Variants in CLIP4 observed in about 807,000 individuals in gnomAD.
The protein encoded by CLIP4 is CAP-Gly domain containing linker protein family member 4, also known as CAP-Gly domain-containing linker protein 4.
In CLIP4, 47 loss-of-function variants were observed where a neutral mutation model predicts 73.1. The observed-to-expected ratio is 0.64, with a 90% CI of 0.51 to 0.82. CLIP4 has a LOEUF of 0.82. CLIP4 is among the 40% of genes least tolerant of loss of function. The pLI is 0.00. For synonymous variants in CLIP4, 306 were observed against 295.4 expected, an observed-to-expected ratio of 1.04 and a Z score of -0.37; for missense variants, 874 against 852.9, an observed-to-expected ratio of 1.02 and a Z score of -0.31.
chr2:29,158,566 C>T (rs1293232818), intron 11 of CLIP4, among the ~76,000 whole-genome samples: 1 of 152,058 alleles, frequency 6.6e-6, no homozygotes, highest in African/African-American at 2.4e-5. Flanking sequence ...TTGGGAACCC[C>T]AGAGACATGT....
intron 15 of CLIP4, 134 bp from the exon 16 acceptor site, chr2:29,181,438 G>C (rs1668637564): frequency 1.4e-6 from 1 of 737,954 alleles, no homozygotes; most frequent in Non-Finnish European, 2.1e-6. Flanking sequence ...TAAAAATCAA[G>C]TTGTGACCAT....
chr2:29,164,278 T>C (rs1667466957), intron 13 of CLIP4, among the ~76,000 whole-genome samples: 2 of 152,218 alleles, frequency 1.3e-5, no homozygotes, highest in Admixed American at 1.3e-4. Flanking sequence ...AAATGCTCTC[T>C]GATTGCTTCA....
intron 7 of CLIP4, 29 bp from the exon 8 acceptor site, chr2:29,145,203 A>G (rs771492166): frequency 1.3e-6 from 2 of 1,598,882 alleles, no homozygotes; most frequent in Non-Finnish European, 8.5e-7. Flanking sequence ...ATAATTCCCC[A>G]AAATTATTCT....
intron 11 of CLIP4, among the ~76,000 whole-genome samples, chr2:29,157,959 C>T (rs1380713347): frequency 1.3e-5 from 2 of 152,272 alleles, no homozygotes; most frequent in African/African-American, 4.8e-5. Context: ...CTCTTTATTA[C>T]CAGATTCTTT....
Position 29,160,951 on chromosome 2 carries a change from A to G in CLIP4, c.1534+484A>G, listed in dbSNP as rs566647940. Among the ~76,000 whole-genome samples the G allele has an allele frequency of 2.6e-5, 4 of 152,114 alleles. No homozygotes were observed. The East Asian group carries it at 7.7e-4, about 29-fold the overall frequency. Reference sequence around the variant, plus strand: ...ATATTCATTCCAATCTATACGTAACATTGTTTCCAAAAGTAAAGATTACTT... The same window carrying G: ...ATATTCATTCCAATCTATACGTAACGTTGTTTCCAAAAGTAAAGATTACTT... On this transcript the variant is annotated intron_variant, in intron 12 of 15. Coordinates refer to ENST00000320081, the MANE Select transcript of CLIP4 (RefSeq NM_024692.6).
At chr2:29,152,912 T>C in intron 9 of CLIP4, 84 bp downstream of exon 9, 1 of 1,490,190 alleles carries the variant, frequency 6.7e-7, no homozygotes, top group Non-Finnish European at 9.1e-7. Context: ...TGCTTCACTT[T>C]TTTTTGTTAG....
chr2:29,149,304 A>G (rs1351245528), intron 8 of CLIP4, among the ~76,000 whole-genome samples: 1 of 152,150 alleles, frequency 6.6e-6, no homozygotes, highest in East Asian at 1.9e-4. Flanking sequence ...CAGGTTATTT[A>G]GTATAAAATG....
intron 2 of CLIP4, among the ~76,000 whole-genome samples, chr2:29,123,867 A>G (rs1312536200): frequency 3.9e-5 from 6 of 152,248 alleles, no homozygotes; most frequent in African/African-American, 1.4e-4. Context: ...TTGACTCTCA[A>G]GGTGATTACC....
At chr2:29,177,291 C>T (rs1258047584) in intron 15 of CLIP4, among the ~76,000 whole-genome samples, 2 of 151,934 alleles carry the variant, frequency 1.3e-5, no homozygotes, top group Non-Finnish European at 2.9e-5. Context: ...CACCTGTAGT[C>T]CCAGCTACTC....
rs894466603 is a variant in CLIP4, at chr2:29,181,970, T to C, written c.*77T>C. 28 of 1,248,834 alleles carry C rather than the reference T, an allele frequency of 2.2e-5. No individual in the cohort carries two copies. In the South Asian group the frequency reaches 2.8e-4, roughly 12 times the overall value. The allele number at this position is 1,248,834 out of a possible 1,614,324, so 77.4% of individuals were successfully genotyped here. The stretch of plus-strand genomic sequence containing the variant: ...AGTCCATGGTAAATGGTTTACTTTA[T>C]TTAGCCATATTAAAATTTTGAAAAT... On this transcript the variant is annotated 3_prime_UTR_variant, in exon 16 of 16. Transcript: ENST00000320081.
At chr2:29,144,289 C>G (rs1665994485) in intron 7 of CLIP4, among the ~76,000 whole-genome samples, 2 of 152,106 alleles carry the variant, frequency 1.3e-5, no homozygotes, top group African/African-American at 4.8e-5. Flanking sequence ...CTGACTGCTG[C>G]TCCTCCATAG....
At chr2:29,105,443 G>T (rs1429313883) in intron 1 of CLIP4, among the ~76,000 whole-genome samples, 1 of 152,206 alleles carries the variant, frequency 6.6e-6, no homozygotes, top group Admixed American at 6.5e-5. Context: ...TTAGGCAGGA[G>T]TTTCCATTTT....
At chr2:29,155,814 T>C (rs967564916) in intron 9 of CLIP4, among the ~76,000 whole-genome samples, 6 of 152,144 alleles carry the variant, frequency 3.9e-5, no homozygotes, top group Admixed American at 2.6e-4. Flanking sequence ...GAGAGTGTTA[T>C]TTAACTAGAC....
rs577966431 is a variant in CLIP4 at position 29,174,201 on chromosome 2, C to T, written c.1724-172C>T. Among the ~76,000 whole-genome samples, 3 of 152,258 alleles carry T rather than the reference C, an allele frequency of 2.0e-5. No individual in the cohort carries two copies. In the East Asian group the frequency reaches 5.8e-4, roughly 29 times the overall value. On this transcript the variant is annotated intron_variant, in intron 14 of 15. Transcript: ENST00000320081. ...CTCCTAAGTTCAAGCAGTCTTCCCA[C>T]TAGGCCTCCCAAAGTGCTGGGATTA...
intron 1 of CLIP4, among the ~76,000 whole-genome samples, chr2:29,109,781 C>T (rs1362770844): frequency 3.3e-5 from 5 of 151,890 alleles, no homozygotes; most frequent in African/African-American, 7.3e-5. Flanking sequence ...AGAATAGGGC[C>T]GGCATGACAG....
chr2:29,155,932 T>A (rs1378288367), intron 9 of CLIP4, among the ~76,000 whole-genome samples: 1 of 152,270 alleles, frequency 6.6e-6, no homozygotes, highest in African/African-American at 2.4e-5. Context: ...AGTGTTACTG[T>A]GACCTGTCTG....
intron 12 of CLIP4, among the ~76,000 whole-genome samples, chr2:29,163,278 T>C (rs986993734): frequency 1.2e-4 from 18 of 152,066 alleles, no homozygotes; most frequent in African/African-American, 4.3e-4. Context: ...AAAAAAAGAT[T>C]TTTCTTTTTA....
At chr2:29,117,319 TTC>T (rs997736540) in intron 1 of CLIP4, among the ~76,000 whole-genome samples, 9 of 151,966 alleles carry the variant, frequency 5.9e-5, no homozygotes, top group Admixed American at 3.9e-4. Context: ...TCTTTTCCTT[TTC>T]TCTCTCTCTT....
At chr2:29,165,365 C>T (rs1039882409) in intron 13 of CLIP4, among the ~76,000 whole-genome samples, 3 of 151,948 alleles carry the variant, frequency 2.0e-5, no homozygotes, top group African/African-American at 4.8e-5. Context: ...CATGTATTAA[C>T]CTGTTTACTG....
Sources: allele counts gnomAD v4.1 joint callset (sites outside exome capture counted in the v4.1 genomes callset), GRCh38; gene constraint gnomAD v4.1.1; transcripts MANE v1.5; gene names NCBI Gene and HGNC (gene_info 2026-07-23, HGNC 2026-07-21).